CFAP54: variants seen among roughly 807,000 people sequenced by gnomAD.
CFAP54 encodes cilia- and flagella-associated protein 54.
A neutral mutation model predicts 370.4 loss-of-function variants in CFAP54; 290 were observed. The ratio of observed to expected loss-of-function variants is 0.78; its 90% CI spans 0.71 to 0.86. The LOEUF is 0.86. Among genes scored for constraint, CFAP54 ranks in the 40% least tolerant of loss-of-function variants. The probability of loss-of-function intolerance (pLI) is 0.00; values close to 1 mark genes in which losing one functional copy is unlikely to be tolerated. For missense variants in CFAP54, 3,399 were observed against 3,528.7 expected (o/e 0.96, Z 0.93); for synonymous variants, 1,206 against 1,236.5 (o/e 0.98, Z 0.52).
chr12:96,594,182 C>T (rs746036418), intron 24 of CFAP54, 109 bp from the exon 25 acceptor site: 3 of 707,052 alleles, frequency 4.2e-6, no homozygotes, highest in Non-Finnish European at 6.4e-6. Context: ...AATACAAACA[C>T]TCATGTTGTT....
intron 39 of CFAP54, among the ~76,000 whole-genome samples, chr12:96,668,449 A>G (rs1216693216): frequency 6.6e-6 from 1 of 152,204 alleles, no homozygotes; most frequent in Non-Finnish European, 1.5e-5. Flanking sequence ...GGCACATCTT[A>G]TATGGTGGCA....
At chr12:96,534,271 T>A (rs140490754) in intron 11 of CFAP54, 44 bp downstream of exon 11, 6 of 1,074,834 alleles carry the variant, frequency 5.6e-6, no homozygotes. Context: ...TTTGACGAAA[T>A]ATGCTCTTTT....
At position 96,824,159 on chromosome 12, in the gene CFAP54, C is replaced by T. The variant is rs139152126; in HGVS notation, c.9097-4855C>T. Among the ~76,000 whole-genome samples the T allele has an allele frequency of 4.3e-4, 66 of 152,260 alleles. No individual in the cohort carries two copies. In the East Asian group the frequency reaches 8.3e-3, roughly 19 times the overall value. ...TAGCTGCAGCATGCGTGCATCCAAC[C>T]GCTTTCTGGCTGGGACAGGCGAGCT... is the stretch of plus-strand genomic sequence containing the variant. On this transcript the variant is annotated intron_variant, in intron 65 of 67. Coordinates refer to ENST00000524981, the MANE Select transcript of CFAP54 (RefSeq NM_001306084.2).
intron 60 of CFAP54, among the ~76,000 whole-genome samples, chr12:96,769,792 T>C (rs183411287): frequency 4.7e-4 from 72 of 152,324 alleles, no homozygotes; most frequent in Admixed American, 2.2e-3. Flanking sequence ...GTAAACACCC[T>C]ACTTTGGCCT....
At chr12:96,536,643 T>C (rs77578172) in intron 12 of CFAP54, among the ~76,000 whole-genome samples, 1 of 149,786 alleles carries the variant, frequency 6.7e-6, no homozygotes, top group East Asian at 1.9e-4. Context: ...TTTTTTTTTT[T>C]TGAGACAGAG....
chr12:96,522,304 C>T, intron 8 of CFAP54, 115 bp downstream of exon 8: 2 of 659,226 alleles, frequency 3.0e-6, no homozygotes, highest in South Asian at 4.3e-5. Flanking sequence ...CAGTTCTCTG[C>T]CCTAATGGGT....
intron 22 of CFAP54, 50 bp downstream of exon 22, chr12:96,581,155 A>G (rs1013153971): frequency 1.6e-6 from 2 of 1,263,592 alleles, no homozygotes; most frequent in African/African-American, 1.5e-5. Context: ...TTTTCCATTA[A>G]GCAGTTATGA....
intron 29 of CFAP54, among the ~76,000 whole-genome samples, chr12:96,626,454 G>T (rs1025861101): frequency 6.6e-6 from 1 of 151,600 alleles, no homozygotes; most frequent in East Asian, 1.9e-4. Context: ...AATGAGAAAT[G>T]GCAACATAAT....
At chr12:96,757,468 A>C in intron 57 of CFAP54, 27 bp from the exon 58 acceptor site, 1 of 1,276,344 alleles carries the variant, frequency 7.8e-7, no homozygotes, top group East Asian at 2.4e-5. Context: ...GAAGCTATTT[A>C]ATAAGTACAG....
chr12:96,799,391 G>A (rs760038336), intron 63 of CFAP54, among the ~76,000 whole-genome samples: 1 of 152,116 alleles, frequency 6.6e-6, no homozygotes, highest in Non-Finnish European at 1.5e-5. Flanking sequence ...TTCTGCATTG[G>A]TCTATTCTTG....
At chr12:96,867,830 C>T (rs1483586554) in intron 67 of CFAP54, among the ~76,000 whole-genome samples, 3 of 152,030 alleles carry the variant, frequency 2.0e-5, no homozygotes, top group African/African-American at 7.2e-5. Flanking sequence ...TTCTATTGCA[C>T]AAAATAATGA....
In CFAP54 at chr12:96,651,801, A is replaced by G. The variant is rs1283642393; in HGVS notation, c.5086A>G (p.Thr1696Ala). 3 of 1,586,920 alleles carry G rather than the reference A, an allele frequency of 1.9e-6. No individual in the cohort carries two copies. Among genetic ancestry groups the G allele is most frequent in the Non-Finnish European group, 2.6e-6 (3 of 1,155,776 alleles). Residue 1696 changes from threonine to alanine, a missense_variant, in exon 36 of 68, where the codon ACC (threonine) becomes GCC (alanine). Physicochemically the swap from Thr to Ala is moderately conservative, Grantham distance 58 (BLOSUM62 0). This residue lies in a region of CFAP54 where 2,796 missense variants were observed against 2,869.7 expected (regional missense o/e 0.97). Coordinates refer to ENST00000524981, the MANE Select transcript of CFAP54 (RefSeq NM_001306084.2). ...TGACATGTTAATACAACTACAAAAT[A>G]CCAGTTCTATTAAGGTAAAGACACT... ...LIDMLIQLQNTSSIKPIEDKG... is the reference protein window; with the variant it reads ...LIDMLIQLQNASSIKPIEDKG...
At chr12:96,591,044 A>G (rs1412348586) in intron 23 of CFAP54, among the ~76,000 whole-genome samples, 1 of 152,206 alleles carries the variant, frequency 6.6e-6, no homozygotes, top group East Asian at 1.9e-4. Flanking sequence ...GGCATTGCTT[A>G]ACATTTAGGA....
rs774306721 is a variant in CFAP54 at position 96,503,879 on chromosome 12, G to T, written c.424-7G>T. ...GGAACTTTAATCAAGTACTCCTTTT[G>T]TTTCAGGAATACAAACTGGCCCTTT... On this transcript the variant is annotated splice_polypyrimidine_tract_variant and splice_region_variant and intron_variant, in intron 2 of 67. Transcript: ENST00000524981. The T allele has an allele frequency of 5.4e-6, 8 of 1,469,962 alleles. No individual in the cohort carries two copies. The South Asian group carries it at 1.1e-4, about 20-fold the overall frequency. 91.1% of individuals were successfully genotyped at this position (1,469,962 alleles called of 1,614,324 possible). A position where few individuals can be genotyped will look rare whatever the true frequency, so the allele number is the denominator to read the frequency against.
intron 63 of CFAP54, among the ~76,000 whole-genome samples, chr12:96,799,868 A>C (rs369764572): frequency 6.6e-6 from 1 of 152,188 alleles, no homozygotes; most frequent in African/African-American, 2.4e-5. Context: ...AACACAAAAA[A>C]CACTAGAATG....
chr12:96,759,532 C>T (rs1958311123), intron 58 of CFAP54, among the ~76,000 whole-genome samples: 1 of 152,106 alleles, frequency 6.6e-6, no homozygotes, highest in Non-Finnish European at 1.5e-5. Context: ...GCACAGAAAA[C>T]AGCCAAAACC....
chr12:96,652,792 T>C (rs1311069019), intron 36 of CFAP54, among the ~76,000 whole-genome samples: 2 of 151,780 alleles, frequency 1.3e-5, no homozygotes, highest in African/African-American at 2.4e-5. Context: ...AAAATAAAAA[T>C]ATGGAAAGAG....
rs1435633933 is a variant in CFAP54 at position 96,572,980 on chromosome 12, A to G, written c.2620-3605A>G. 3 of 985,358 alleles carry G rather than the reference A, an allele frequency of 3.0e-6. No individual in the cohort carries two copies. The African/African-American group carries it at 5.2e-5, about 17-fold the overall frequency. The allele number at this position is 985,358 out of a possible 1,614,324, so 61.0% of individuals were successfully genotyped here. A position where few individuals can be genotyped will look rare whatever the true frequency, so the allele number is the denominator to read the frequency against. On this transcript the variant is annotated intron_variant, in intron 19 of 67. Coordinates refer to ENST00000524981, the MANE Select transcript of CFAP54 (RefSeq NM_001306084.2). ...TAGTGTTCAATTGGTTCACTGAATC[A>G]GGAACTACCAAGGCAAATTTTGAGA...
At chr12:96,781,615 G>A (rs1159841449) in intron 60 of CFAP54, among the ~76,000 whole-genome samples, 1 of 152,142 alleles carries the variant, frequency 6.6e-6, no homozygotes, top group African/African-American at 2.4e-5. Flanking sequence ...CCATAAAGGT[G>A]TGCAGGTACT....
Sources: gnomAD v4.1 joint callset for allele counts (sites outside exome capture counted in the v4.1 genomes callset) on GRCh38, gnomAD v4.1.1 for gene constraint, gnomAD v4.1.1 regional missense constraint, MANE v1.5 for transcripts, NCBI Gene and HGNC (gene_info 2026-07-23, HGNC 2026-07-21) for gene names.